The following OSBPL1A variants were observed in gnomAD, a reference collection of about 807,000 sequenced individuals.
The protein encoded by OSBPL1A is oxysterol-binding protein-related protein 1.
In OSBPL1A, 80 loss-of-function variants were observed where a neutral mutation model predicts 137.1. That is an observed-to-expected ratio of 0.58 (90% CI 0.49 to 0.70). OSBPL1A has a LOEUF of 0.70. OSBPL1A is among the 30% of genes least tolerant of loss of function. The pLI, the probability that OSBPL1A is intolerant of heterozygous loss-of-function variation, is 0.00. For synonymous variants in OSBPL1A, 365 were observed against 389.7 expected (o/e 0.94, Z 0.75); for missense variants, 970 against 1,129.4 (o/e 0.86, Z 2.02).
intron 18 of OSBPL1A, among the ~76,000 whole-genome samples, chr18:24,189,709 A>T (rs1175078443): frequency 6.6e-6 from 1 of 152,140 alleles, no homozygotes; most frequent in Non-Finnish European, 1.5e-5. Flanking sequence ...TCACTGCATG[A>T]GGTTCTTGCC....
chr18:24,275,485 G>T (rs923874518), intron 15 of OSBPL1A, among the ~76,000 whole-genome samples: 1 of 152,126 alleles, frequency 6.6e-6, no homozygotes. Flanking sequence ...GAGCTGTGAA[G>T]AACATTAGGG....
chr18:24,319,981 C>CAAAA (rs56140141), intron 7 of OSBPL1A, among the ~76,000 whole-genome samples: 1 of 77,530 alleles, frequency 1.3e-5, no homozygotes, highest in Non-Finnish European at 2.6e-5. Flanking sequence ...CTTATCTCTA[C>CAAAA]AAAAAAAAAA....
intron 15 of OSBPL1A, among the ~76,000 whole-genome samples, chr18:24,268,405 C>T (rs1005635914): frequency 1.3e-5 from 2 of 152,156 alleles, no homozygotes; most frequent in African/African-American, 2.4e-5. Flanking sequence ...CAGGTGTGAG[C>T]CACTGCACCT....
chr18:24,348,237 C>G (rs1425237926), intron 4 of OSBPL1A, among the ~76,000 whole-genome samples: 3 of 152,050 alleles, frequency 2.0e-5, no homozygotes, highest in Non-Finnish European at 1.5e-5. Context: ...TGAGAAAAAT[C>G]AAAGATATAC....
chr18:24,390,148 G>C (rs1907220295), intron 1 of OSBPL1A, among the ~76,000 whole-genome samples: 1 of 152,002 alleles, frequency 6.6e-6, no homozygotes, highest in Admixed American at 6.6e-5. Flanking sequence ...AATTCACCTA[G>C]TCATACATAT....
chr18:24,349,446 A>G (rs1276604807), intron 4 of OSBPL1A, among the ~76,000 whole-genome samples: 2 of 152,228 alleles, frequency 1.3e-5, no homozygotes, highest in Non-Finnish European at 2.9e-5. Flanking sequence ...CAAAAAGTTA[A>G]AATTCTTAAC....
chr18:24,205,373 T>C, intron 17 of OSBPL1A, among the ~76,000 whole-genome samples: 1 of 152,206 alleles, frequency 6.6e-6, no homozygotes, highest in East Asian at 1.9e-4. Context: ...TAGGCCCCAT[T>C]CATTCTGATC....
At chr18:24,322,383 A>G (rs1483899621) in intron 7 of OSBPL1A, among the ~76,000 whole-genome samples, 1 of 151,822 alleles carries the variant, frequency 6.6e-6, no homozygotes, top group Non-Finnish European at 1.5e-5. Flanking sequence ...GGCCTCCCAA[A>G]GTGTTGGGAT....
At chr18:24,385,241 A>T (rs1226152172) in intron 1 of OSBPL1A, among the ~76,000 whole-genome samples, 1 of 152,102 alleles carries the variant, frequency 6.6e-6, no homozygotes, top group Non-Finnish European at 1.5e-5. Flanking sequence ...GGCATGAGCC[A>T]CCGCACCCGG....
chr18:24,300,914 C>T (rs1399871568), intron 14 of OSBPL1A, among the ~76,000 whole-genome samples: 1 of 152,176 alleles, frequency 6.6e-6, no homozygotes, highest in African/African-American at 2.4e-5. Context: ...GCCTCATGGG[C>T]TCAAGCCATC....
At position 24,167,332 on chromosome 18, in the gene OSBPL1A, G is replaced by A. The variant is rs1353738921; in HGVS notation, c.2532C>T (p.Ala844=). 6.2e-7 allele frequency: 1 copy of A among 1,613,608 alleles called. No homozygotes were observed. Among genetic ancestry groups the A allele is most frequent in the Non-Finnish European group, 8.5e-7 (1 of 1,179,510 alleles). ...CAGCCAGCAAGCCCAGTCTCACCTGGGCAGAATTTGGAGGCCGTGGGGCTA... is the reference window on the plus strand; with the variant it reads ...CAGCCAGCAAGCCCAGTCTCACCTGAGCAGAATTTGGAGGCCGTGGGGCTA... ...WRIAPRPPNS[A]QMYNFTSFAM... The change falls in exon 25 of 28, where the codon GCC becomes GCT. Residue 844 remains alanine (A), a synonymous_variant. Coordinates refer to ENST00000319481, the MANE Select transcript of OSBPL1A (RefSeq NM_080597.4).
intron 15 of OSBPL1A, among the ~76,000 whole-genome samples, chr18:24,278,247 G>A (rs1028732508): frequency 2.0e-5 from 3 of 152,146 alleles, no homozygotes; most frequent in Admixed American, 1.3e-4. Flanking sequence ...AACACAACAC[G>A]ATCATTCCAA....
At chr18:24,246,708 T>C (rs1298007358) in intron 15 of OSBPL1A, among the ~76,000 whole-genome samples, 2 of 150,592 alleles carry the variant, frequency 1.3e-5, no homozygotes, top group African/African-American at 4.9e-5. Flanking sequence ...GGAGAATCAC[T>C]TGAACCCGGG....
chr18:24,293,607 C>G (rs1011641583), intron 14 of OSBPL1A, among the ~76,000 whole-genome samples: 4 of 152,312 alleles, frequency 2.6e-5, no homozygotes, highest in South Asian at 4.1e-4. Flanking sequence ...AAGGGAGTGA[C>G]TACGCCACTC....
At chr18:24,265,266 G>A (rs1466319207) in intron 15 of OSBPL1A, among the ~76,000 whole-genome samples, 6 of 152,174 alleles carry the variant, frequency 3.9e-5, no homozygotes, top group Admixed American at 3.9e-4. Context: ...GATCACCTGA[G>A]GTCAGGAGTT....
chr18:24,312,616 G>A (rs1394641913), intron 12 of OSBPL1A, among the ~76,000 whole-genome samples: 1 of 152,138 alleles, frequency 6.6e-6, no homozygotes, highest in African/African-American at 2.4e-5. Context: ...TTCACAAAAA[G>A]AATGTTTGGC....
chr18:24,333,225 A>G, intron 6 of OSBPL1A, 139 bp from the exon 7 acceptor site: 1 of 915,250 alleles, frequency 1.1e-6, no homozygotes, highest in Non-Finnish European at 1.6e-6. Flanking sequence ...TTTCTTGCTC[A>G]CTAAACCAGC....
chr18:24,219,222 G>A (rs2087808858), intron 17 of OSBPL1A, among the ~76,000 whole-genome samples: 1 of 152,170 alleles, frequency 6.6e-6, no homozygotes, highest in South Asian at 2.1e-4. Flanking sequence ...AGACCAAGGA[G>A]GTTGAGGCTG....
chr18:24,286,501 T>C (rs1008383653), intron 14 of OSBPL1A, among the ~76,000 whole-genome samples: 15 of 152,202 alleles, frequency 9.9e-5, no homozygotes, highest in African/African-American at 3.4e-4. Flanking sequence ...CAAAGTGGCA[T>C]GTATTAAATG....
Sources: gnomAD v4.1 joint callset for allele counts (sites outside exome capture counted in the v4.1 genomes callset) on GRCh38, gnomAD v4.1.1 for gene constraint, MANE v1.5 for transcripts, NCBI Gene and HGNC (gene_info 2026-07-23, HGNC 2026-07-21) for gene names.